Variants in RECK observed in about 807,000 individuals in gnomAD.
RECK encodes the protein reversion-inducing cysteine-rich protein with Kazal motifs.
In RECK, 69 loss-of-function variants were observed where a neutral mutation model predicts 115.1. The ratio of observed to expected loss-of-function variants is 0.60; its 90% CI spans 0.49 to 0.73. The LOEUF (loss-of-function observed/expected upper bound fraction) is 0.73. RECK is among the 30% of genes least tolerant of loss of function. The pLI is 0.00. For synonymous variants in RECK, 414 were observed against 419.7 expected (o/e 0.99, Z 0.17); for missense variants, 1,047 against 1,203.7 (o/e 0.87, Z 1.93).
intron 10 of RECK, among the ~76,000 whole-genome samples, chr9:36,099,293 A>C (rs1382362189): frequency 6.6e-6 from 1 of 152,184 alleles, no homozygotes; most frequent in Admixed American, 6.5e-5. Flanking sequence ...CAGTGGCTAT[A>C]AAACATGTGA....
intron 1 of RECK, among the ~76,000 whole-genome samples, chr9:36,037,849 A>G (rs1453254273): frequency 1.3e-5 from 2 of 152,066 alleles, no homozygotes; most frequent in Non-Finnish European, 2.9e-5. Context: ...AGGGCCATGT[A>G]TGAGTGCACA....
At chr9:36,055,187 CTTTT>C (rs1366001314) in intron 2 of RECK, among the ~76,000 whole-genome samples, 1 of 152,022 alleles carries the variant, frequency 6.6e-6, no homozygotes, top group East Asian at 1.9e-4. Flanking sequence ...ATTCATCTTT[CTTTT>C]TAAGTGTGAT....
intron 3 of RECK, among the ~76,000 whole-genome samples, chr9:36,059,254 C>T (rs866666217): frequency 3.9e-5 from 6 of 151,990 alleles, no homozygotes; most frequent in Middle Eastern, 3.4e-3. Flanking sequence ...GTCAGGATTT[C>T]GAGACCAGCC....
chr9:36,051,771 C>A (rs1821312482), intron 1 of RECK, among the ~76,000 whole-genome samples: 1 of 152,096 alleles, frequency 6.6e-6, no homozygotes, highest in Admixed American at 6.6e-5. Context: ...AAATTTGGAT[C>A]TTTAGGCTTG....
At chr9:36,072,433 A>G (rs1429094270) in intron 6 of RECK, among the ~76,000 whole-genome samples, 4 of 152,204 alleles carry the variant, frequency 2.6e-5, no homozygotes, top group Non-Finnish European at 5.9e-5. Flanking sequence ...AGAGGAGACC[A>G]TCTAGTTGTG....
chr9:36,048,761 C>A (rs1355809768), intron 1 of RECK, among the ~76,000 whole-genome samples: 1 of 152,178 alleles, frequency 6.6e-6, no homozygotes, highest in Non-Finnish European at 1.5e-5. Flanking sequence ...AACCCACATG[C>A]CCTTCCAGGA....
At chr9:36,091,453 TTTATGA>T in intron 10 of RECK, 110 bp downstream of exon 10, 1 of 869,840 alleles carries the variant, frequency 1.1e-6, no homozygotes, top group Non-Finnish European at 1.7e-6. Context: ...GAAAGTCTTC[TTTATGA>T]TTTAATCTTT....
chr9:36,112,533 T>A, intron 16 of RECK, 57 bp downstream of exon 16: 1 of 1,517,140 alleles, frequency 6.6e-7, no homozygotes, highest in Non-Finnish European at 9.1e-7. Flanking sequence ...ACAAAGCATC[T>A]ACCATATACC....
intron 16 of RECK, among the ~76,000 whole-genome samples, chr9:36,113,381 T>C (rs1307142939): frequency 6.6e-6 from 1 of 152,206 alleles, no homozygotes; most frequent in East Asian, 1.9e-4. Context: ...TAGTCATCCA[T>C]CTGCCAAATT....
chr9:36,120,995 C>T (rs78292072), intron 19 of RECK, among the ~76,000 whole-genome samples: 3,912 of 152,254 alleles, frequency 0.026, 178 homozygotes, highest in African/African-American at 0.088. Context: ...AGAAAAGGCC[C>T]CTGCTGGCAC....
At position 36,117,102 on chromosome 9, in the gene RECK, A is replaced by G. The variant is rs1824297804; in HGVS notation, c.2178A>G (p.Thr726=). ...AGGTCCAAGATCCTGTTTGTGACAC[A>G]GACCACATGGAGCACAACAATCTCT... ...CDQVQDPVCD[T]DHMEHNNLCT... Residue 726 remains threonine, a synonymous_variant, in exon 17 of 21, where the codon ACA becomes ACG. Transcript: ENST00000377966. 9 of 1,614,088 alleles carry G rather than the reference A, an allele frequency of 5.6e-6. No homozygotes were observed. The highest frequency in any genetic ancestry group is 7.6e-6 in the Non-Finnish European group (9 of 1,180,010).
intron 1 of RECK, among the ~76,000 whole-genome samples, chr9:36,040,752 A>G (rs907654832): frequency 2.6e-5 from 4 of 151,868 alleles, no homozygotes; most frequent in African/African-American, 4.8e-5. Context: ...TATTTAAAAT[A>G]TGTTGCTGAT....
intron 13 of RECK, among the ~76,000 whole-genome samples, chr9:36,105,485 T>G (rs973643521): frequency 6.6e-6 from 1 of 152,224 alleles, no homozygotes; most frequent in African/African-American, 2.4e-5. Context: ...ATTATTGATG[T>G]AAGCAGGAAA....
intron 1 of RECK, among the ~76,000 whole-genome samples, chr9:36,045,768 C>T (rs955230540): frequency 1.3e-5 from 2 of 151,890 alleles, no homozygotes; most frequent in African/African-American, 4.8e-5. Context: ...AGCTAGTTGG[C>T]TTTAGAAGCT....
intron 1 of RECK, among the ~76,000 whole-genome samples, chr9:36,050,600 T>G (rs960721760): frequency 2.0e-5 from 3 of 152,200 alleles, no homozygotes; most frequent in Non-Finnish European, 4.4e-5. Context: ...TTATTCTGAT[T>G]ATGACATGCT....
Position 36,121,584 on chromosome 9 carries a change from A to T in RECK, c.2590A>T (p.Met864Leu), listed in dbSNP as rs139573143. Residue 864 changes from methionine to leucine, a missense_variant, in exon 20 of 21, where the codon ATG (methionine) becomes TTG (leucine). Coordinates refer to ENST00000377966, the MANE Select transcript of RECK (RefSeq NM_021111.3). ...TCTGGAAATACTTCAGAAAATCCGC[A>T]TGCACGTGTCTGTCCCACAGTGTGA... is the stretch of plus-strand genomic sequence containing the variant. The part of the protein sequence containing the change: ...TVLEILQKIR[M>L]HVSVPQCDVF... The T allele has an allele frequency of 8.7e-6, 14 of 1,614,152 alleles. No homozygotes were observed. In the African/African-American group the frequency reaches 1.6e-4, roughly 18 times the overall value.
chr9:36,117,396 A>C (rs1207820007), intron 17 of RECK, among the ~76,000 whole-genome samples: 2 of 152,188 alleles, frequency 1.3e-5, no homozygotes, highest in Non-Finnish European at 2.9e-5. Flanking sequence ...GTGTACAAGC[A>C]AGAACAGAGA....
In RECK at chr9:36,079,684, C is replaced by T. The variant is rs529883932; in HGVS notation, c.406-921C>T. Reference sequence around the variant, plus strand: ...CTGCAATTAAAAGCCAAAATCGTCTCGTTTCAACAATAAGGGTGTGCTTGA... The same window carrying T: ...CTGCAATTAAAAGCCAAAATCGTCTTGTTTCAACAATAAGGGTGTGCTTGA... On this transcript the variant is annotated intron_variant, in intron 6 of 20. Transcript: ENST00000377966. 3.3e-5 allele frequency among the ~76,000 whole-genome samples: 5 copies of T among 152,246 alleles called. No homozygotes were observed. The South Asian group carries it at 6.2e-4, about 19-fold the overall frequency.
intron 1 of RECK, among the ~76,000 whole-genome samples, chr9:36,050,977 T>C (rs1821273952): frequency 6.6e-6 from 1 of 152,160 alleles, no homozygotes; most frequent in Admixed American, 6.5e-5. Flanking sequence ...TTTACCACCA[T>C]TTCACATTCG....
Sources: gnomAD v4.1 joint callset for allele counts (sites outside exome capture counted in the v4.1 genomes callset) on GRCh38, gnomAD v4.1.1 for gene constraint, MANE v1.5 for transcripts, NCBI Gene and HGNC (gene_info 2026-07-23, HGNC 2026-07-21) for gene names.